Variants in AP2B1 observed in about 807,000 individuals in gnomAD.
The protein encoded by AP2B1 is adaptor related protein complex 2 subunit beta 1.
In AP2B1, 23 loss-of-function variants were observed where a neutral mutation model predicts 102.0. That is an observed-to-expected ratio of 0.23 (90% confidence interval 0.16 to 0.32). AP2B1 has a LOEUF of 0.32. Among genes scored for constraint, AP2B1 ranks in the 10% least tolerant of loss-of-function variants. AP2B1 has a pLI of 1.00. For missense variants in AP2B1, 541 were observed against 1,157.4 expected, an observed-to-expected ratio of 0.47 and a Z score of 7.73; for synonymous variants, 381 against 421.2, an observed-to-expected ratio of 0.90 and a Z score of 1.17.
At chr17:35,690,913 C>T (rs149677131) in intron 18 of AP2B1, among the ~76,000 whole-genome samples, 118 of 152,174 alleles carry the variant, frequency 7.8e-4, no homozygotes, top group Non-Finnish European at 1.3e-3. Context: ...TCTTTCCTTC[C>T]TGCGATACAA....
chr17:35,690,492 C>T (rs989770177), intron 18 of AP2B1, among the ~76,000 whole-genome samples: 2 of 152,162 alleles, frequency 1.3e-5, no homozygotes, highest in Non-Finnish European at 2.9e-5. Flanking sequence ...CTTCTAAGTG[C>T]CATCTATTTT....
chr17:35,621,328 C>G (rs1376668936), intron 5 of AP2B1: 7 of 985,374 alleles, frequency 7.1e-6, no homozygotes, highest in Non-Finnish European at 8.4e-6. Flanking sequence ...GAGAGAAACT[C>G]GGCTTACGGA....
intron 11 of AP2B1, 104 bp from the exon 12 acceptor site, chr17:35,641,773 G>T: frequency 1.4e-6 from 1 of 716,234 alleles, no homozygotes. Context: ...AAATCAGAAA[G>T]GCTCCATAGT....
At chr17:35,699,173 C>T (rs1335364790) in intron 18 of AP2B1, among the ~76,000 whole-genome samples, 1 of 152,172 alleles carries the variant, frequency 6.6e-6, no homozygotes, top group East Asian at 1.9e-4. Context: ...CTCTTAGGAG[C>T]TCATTGCCTT....
intron 18 of AP2B1, among the ~76,000 whole-genome samples, chr17:35,707,737 G>A (rs983827008): frequency 3.9e-5 from 6 of 152,218 alleles, no homozygotes; most frequent in African/African-American, 1.4e-4. Flanking sequence ...ACAGGCGTGA[G>A]CCACTGCACC....
chr17:35,679,029 G>C (rs555131700), intron 17 of AP2B1, among the ~76,000 whole-genome samples: 197 of 152,256 alleles, frequency 1.3e-3, no homozygotes, highest in Non-Finnish European at 2.5e-3. Context: ...TTGTACTGCT[G>C]TCTTTCCACT....
intron 14 of AP2B1, among the ~76,000 whole-genome samples, chr17:35,669,384 C>T (rs892238893): frequency 3.3e-5 from 5 of 152,098 alleles, no homozygotes; most frequent in African/African-American, 9.7e-5. Flanking sequence ...CCTCATGATC[C>T]GCTCACCTTG....
chr17:35,668,787 A>G (rs1306556812), intron 14 of AP2B1, among the ~76,000 whole-genome samples: 1 of 151,714 alleles, frequency 6.6e-6, no homozygotes, highest in Admixed American at 6.6e-5. Context: ...CCACCCTACC[A>G]CCTTTTTGAA....
intron 17 of AP2B1, 136 bp downstream of exon 17, chr17:35,674,457 A>AC: frequency 9.1e-7 from 1 of 1,095,760 alleles, no homozygotes; most frequent in Non-Finnish European, 1.3e-6. Flanking sequence ...TAATCCCAGC[A>AC]TTTGGGAGGC....
chr17:35,617,274 T>C (rs1164745398), intron 5 of AP2B1, among the ~76,000 whole-genome samples: 4 of 152,206 alleles, frequency 2.6e-5, no homozygotes, highest in African/African-American at 9.7e-5. Flanking sequence ...CATGCTGGTC[T>C]TGAATTCCTG....
At chr17:35,698,734 G>T (rs1455354350) in intron 18 of AP2B1, among the ~76,000 whole-genome samples, 1 of 152,178 alleles carries the variant, frequency 6.6e-6, no homozygotes, top group Admixed American at 6.5e-5. Context: ...CTTTACAGGG[G>T]CAGGGTGGGG....
intron 17 of AP2B1, among the ~76,000 whole-genome samples, chr17:35,678,270 T>C (rs2075744516): frequency 6.6e-6 from 1 of 152,232 alleles, no homozygotes; most frequent in Non-Finnish European, 1.5e-5. Flanking sequence ...TTACTTTTTC[T>C]TTCTAGTGGC....
At position 35,643,576 on chromosome 17, in the gene AP2B1, G is replaced by A. The variant is rs986659256; in HGVS notation, c.1536+1601G>A. On this transcript the variant is annotated intron_variant, in intron 12 of 21. Transcript: ENST00000610402. ...TTGACTGAGATAAAGTATTTAGGAA[G>A]GATTGCTTAAAGGATACAAGGTAGT... is the stretch of plus-strand genomic sequence containing the variant. Among the ~76,000 whole-genome samples, 6 of 152,236 alleles carry A rather than the reference G, an allele frequency of 3.9e-5. No individual in the cohort carries two copies. The East Asian group carries it at 1.2e-3, about 29-fold the overall frequency.
chr17:35,624,334 G>GA (rs913888297), intron 5 of AP2B1, 63 bp from the exon 6 acceptor site: 1 of 1,462,530 alleles, frequency 6.8e-7, no homozygotes, highest in African/African-American at 1.4e-5. Flanking sequence ...GAAGGCTGAT[G>GA]AAGTGTTTGT....
chr17:35,720,074 T>G (rs1315215102), intron 21 of AP2B1, among the ~76,000 whole-genome samples: 2 of 152,138 alleles, frequency 1.3e-5, no homozygotes, highest in Admixed American at 1.3e-4. Flanking sequence ...TCCATATTAT[T>G]ATAGTGGAGT....
chr17:35,655,015 T>C (rs1409131799), intron 13 of AP2B1, among the ~76,000 whole-genome samples: 1 of 152,164 alleles, frequency 6.6e-6, no homozygotes, highest in Non-Finnish European at 1.5e-5. Context: ...TTGTAATCTT[T>C]CCTTAGAGCA....
At chr17:35,696,407 T>G (rs903116741) in intron 18 of AP2B1, among the ~76,000 whole-genome samples, 1 of 141,562 alleles carries the variant, frequency 7.1e-6, no homozygotes, top group Non-Finnish European at 1.5e-5. Flanking sequence ...GTAGAAGGAA[T>G]AAGTTCTTTT....
intron 14 of AP2B1, among the ~76,000 whole-genome samples, chr17:35,667,811 G>GGGAGA (rs1375751005): frequency 6.6e-6 from 1 of 152,150 alleles, no homozygotes; most frequent in East Asian, 1.9e-4. Context: ...GCCAGAAGAG[G>GGGAGA]GGAGAATAAG....
chr17:35,706,523 A>G (rs1042542636), intron 18 of AP2B1, among the ~76,000 whole-genome samples: 3 of 152,226 alleles, frequency 2.0e-5, no homozygotes, highest in Admixed American at 6.5e-5. Flanking sequence ...TCTTCAGTTA[A>G]GAACCACTAA....
Sources: gnomAD v4.1 joint callset for allele counts (sites outside exome capture counted in the v4.1 genomes callset) on GRCh38, gnomAD v4.1.1 for gene constraint, MANE v1.5 for transcripts, NCBI Gene and HGNC (gene_info 2026-07-23, HGNC 2026-07-21) for gene names.